PUM1: variants seen among roughly 807,000 people sequenced by gnomAD.
PUM1 encodes pumilio RNA binding family member 1.
A neutral mutation model predicts 131.8 loss-of-function variants in PUM1; 13 were observed. The ratio of observed to expected loss-of-function variants is 0.10; its 90% CI spans 0.06 to 0.16. PUM1 has a LOEUF of 0.16. Ranked by LOEUF, PUM1 falls within the 10% of genes least tolerant of loss-of-function variation. The pLI is 1.00. For missense variants in PUM1, 961 were observed against 1,512.4 expected (o/e 0.64, Z 6.05); for synonymous variants, 509 against 556.5 (o/e 0.91, Z 1.20).
At chr1:30,968,276 C>A (rs377130586) in intron 11 of PUM1, 78 bp downstream of exon 11, 21 of 1,578,468 alleles carry the variant, frequency 1.3e-5, no homozygotes, top group South Asian at 7.8e-5. Context: ...GAAAGCACTG[C>A]TCATTCCCCT....
intron 7 of PUM1, among the ~76,000 whole-genome samples, chr1:30,988,372 T>A (rs928929508): frequency 1.3e-5 from 2 of 152,194 alleles, no homozygotes; most frequent in African/African-American, 4.8e-5. Context: ...ATAAGTTTGA[T>A]GAAACCAGCT....
In PUM1 at chr1:30,933,439, T is replaced by TACACACACACACAC. The variant is rs58664754; in HGVS notation, c.3436-111_3436-98dup. The stretch of plus-strand genomic sequence containing the variant: ...TTGCATGTCATGCATCACACACACA[T>TACACACACACACAC]ACACACACACACACACACACACACA... On this transcript the variant is annotated intron_variant, in intron 21 of 21. Coordinates refer to ENST00000426105, the MANE Select transcript of PUM1 (RefSeq NM_001020658.2). The TACACACACACACAC allele has an allele frequency of 5.7e-3, 2,088 of 363,778 alleles. 31 individuals carry two copies. The highest frequency in any genetic ancestry group is 0.012 in the East Asian group (134 of 11,216). The allele number at this position is 363,778 out of a possible 1,614,324, so 22.5% of individuals were successfully genotyped here. A position where few individuals can be genotyped will look rare whatever the true frequency, so the allele number is the denominator to read the frequency against.
At chr1:31,017,539 T>G (rs895172845) in intron 3 of PUM1, among the ~76,000 whole-genome samples, 8 of 151,912 alleles carry the variant, frequency 5.3e-5, no homozygotes, top group Non-Finnish European at 8.8e-5. Flanking sequence ...TTTTTTTTAG[T>G]TCATCAGCTA....
chr1:31,026,724 T>C (rs966831981), intron 3 of PUM1, among the ~76,000 whole-genome samples: 1 of 152,242 alleles, frequency 6.6e-6, no homozygotes, highest in Admixed American at 6.5e-5. Context: ...CTTGGCCTTT[T>C]TCCTTATCCG....
At chr1:31,052,148 G>A (rs1644126892) in intron 2 of PUM1, among the ~76,000 whole-genome samples, 1 of 151,886 alleles carries the variant, frequency 6.6e-6, no homozygotes, top group South Asian at 2.1e-4. Context: ...GAGTAGCTGG[G>A]ACTACAGGCG....
intron 7 of PUM1, among the ~76,000 whole-genome samples, chr1:30,991,070 T>TA (rs34450345): frequency 0.37 from 55,222 of 149,478 alleles, 10,994 homozygotes; most frequent in East Asian, 0.56. Context: ...AAGAACAGTT[T>TA]AAAAAAAAAA....
intron 8 of PUM1, 60 bp from the exon 9 acceptor site, chr1:30,980,223 T>A: frequency 7.7e-7 from 1 of 1,301,798 alleles, no homozygotes; most frequent in Non-Finnish European, 1.1e-6. Flanking sequence ...CCCTATCAAA[T>A]ACCTACACAG....
rs1053379 is a variant in PUM1 at position 30,939,301 on chromosome 1, A to G, written c.3242+1850T>C. Among the ~76,000 whole-genome samples, 797 of 152,352 alleles carry G rather than the reference A, an allele frequency of 5.2e-3. 6 individuals carry two copies. Among genetic ancestry groups the G allele is most frequent in the African/African-American group, 0.018 (736 of 41,590 alleles). ...TACAAACTTCTCCCATACAGTAAGC[A>G]GCAGCTGAAATCCCAGTTCAATTCT... On this transcript the variant is annotated intron_variant, in intron 20 of 21. Coordinates refer to ENST00000426105, the MANE Select transcript of PUM1 (RefSeq NM_001020658.2).
At chr1:31,015,415 C>T (rs1642778044) in intron 3 of PUM1, among the ~76,000 whole-genome samples, 2 of 151,840 alleles carry the variant, frequency 1.3e-5, no homozygotes, top group African/African-American at 4.8e-5. Context: ...GATCTCGGCT[C>T]ACTGCAAGCT....
intron 3 of PUM1, among the ~76,000 whole-genome samples, chr1:31,014,799 A>G (rs1333165666): frequency 1.3e-5 from 2 of 152,042 alleles, no homozygotes; most frequent in Non-Finnish European, 1.5e-5. Flanking sequence ...AGAAAAAAAA[A>G]AAAAAGTTGA....
At chr1:31,029,409 C>G (rs1484040935) in intron 2 of PUM1, among the ~76,000 whole-genome samples, 2 of 152,148 alleles carry the variant, frequency 1.3e-5, no homozygotes, top group African/African-American at 4.8e-5. Flanking sequence ...CAAACCTAAC[C>G]AGGGGGAGAA....
At chr1:31,064,500 G>C (rs746716795) in intron 1 of PUM1, among the ~76,000 whole-genome samples, 1 of 152,080 alleles carries the variant, frequency 6.6e-6, no homozygotes. Context: ...GCCTGTCTTA[G>C]TAAGTTTTTA....
chr1:30,967,507 TAATAATTTA>T (rs1640671322), intron 11 of PUM1, among the ~76,000 whole-genome samples, 197 bp from the exon 12 acceptor site: 2 of 152,178 alleles, frequency 1.3e-5, no homozygotes, highest in East Asian at 3.8e-4. Flanking sequence ...TCATACTACA[TAATAATTTA>T]AGAACAAATA....
intron 2 of PUM1, among the ~76,000 whole-genome samples, chr1:31,051,334 G>A (rs564570537): frequency 1.4e-5 from 2 of 144,992 alleles, no homozygotes; most frequent in Non-Finnish European, 3.0e-5. Context: ...ACGGCATTTC[G>A]CTCTTGTTGC....
intron 6 of PUM1, among the ~76,000 whole-genome samples, chr1:30,993,554 A>G (rs1641875911): frequency 6.6e-6 from 1 of 151,926 alleles, no homozygotes; most frequent in South Asian, 2.1e-4. Context: ...CTACCCCAAA[A>G]AATCCTGTAG....
chr1:31,008,406 A>C (rs1183401892), intron 3 of PUM1, among the ~76,000 whole-genome samples: 6 of 152,164 alleles, frequency 3.9e-5, no homozygotes, highest in African/African-American at 1.4e-4. Flanking sequence ...GAGAAAAAAA[A>C]AAAACATTTG....
At chr1:30,934,326 C>T (rs1570064728) in intron 21 of PUM1, among the ~76,000 whole-genome samples, 2 of 152,244 alleles carry the variant, frequency 1.3e-5, no homozygotes, top group South Asian at 4.1e-4. Flanking sequence ...CATCAGATTC[C>T]CCATCCAAAC....
At chr1:31,042,704 T>G (rs1361200617) in intron 2 of PUM1, among the ~76,000 whole-genome samples, 1 of 152,194 alleles carries the variant, frequency 6.6e-6, no homozygotes, top group Non-Finnish European at 1.5e-5. Context: ...TATAAACACT[T>G]TGCAGTACTT....
rs200338309 is a variant in PUM1, at chr1:31,040,157, C to A, written c.364-11293G>T. 1.8e-4 allele frequency among the ~76,000 whole-genome samples: 28 copies of A among 152,164 alleles called. No individual in the cohort carries two copies. In the East Asian group the frequency reaches 3.9e-3, roughly 21 times the overall value. On this transcript the variant is annotated intron_variant, in intron 2 of 21. Transcript: ENST00000426105. ...CTCTTCTAGAACTCCTAGGCTCATG[C>A]GATCCTCCCACATTGGCTTCCCAAA...
Sources: gnomAD v4.1 joint callset for allele counts (sites outside exome capture counted in the v4.1 genomes callset) on GRCh38, gnomAD v4.1.1 for gene constraint, MANE v1.5 for transcripts, NCBI Gene and HGNC (gene_info 2026-07-23, HGNC 2026-07-21) for gene names.